The following PDE4D variants were observed in gnomAD, a reference collection of about 807,000 sequenced individuals.
The protein encoded by PDE4D is phosphodiesterase 4D, also known as 3',5'-cyclic-AMP phosphodiesterase 4D.
PDE4D carries 24 observed loss-of-function variants against 87.4 expected under a neutral mutation model. That is an observed-to-expected ratio of 0.27 (90% CI 0.20 to 0.39). The LOEUF is 0.39. Ranked by LOEUF, PDE4D falls within the 10% of genes least tolerant of loss-of-function variation. PDE4D has a pLI of 1.00. For missense variants in PDE4D, 714 were observed against 1,041.0 expected (o/e 0.69, Z 4.32); for synonymous variants, 384 against 383.2 (o/e 1.00, Z -0.02).
chr5:60,075,781 C>G (rs1274186462), intron 2 of PDE4D, among the ~76,000 whole-genome samples: 2 of 151,956 alleles, frequency 1.3e-5, no homozygotes, highest in African/African-American at 4.8e-5. Flanking sequence ...GAGATTCTTT[C>G]CTCAGGTTGG....
At chr5:59,355,893 A>C (rs939825908) in intron 1 of PDE4D, among the ~76,000 whole-genome samples, 1 of 152,158 alleles carries the variant, frequency 6.6e-6, no homozygotes, top group Non-Finnish European at 1.5e-5. Flanking sequence ...GTGTTAATAT[A>C]TATTTCTACA....
chr5:59,581,619 C>A (rs1824166592), intron 1 of PDE4D, among the ~76,000 whole-genome samples: 1 of 152,166 alleles, frequency 6.6e-6, no homozygotes, highest in South Asian at 2.1e-4. Flanking sequence ...AGAAAGGCTG[C>A]TAGGACTAAA....
At chr5:60,440,799 C>G (rs1310170212) in intron 1 of PDE4D, among the ~76,000 whole-genome samples, 1 of 152,010 alleles carries the variant, frequency 6.6e-6, no homozygotes, top group African/African-American at 2.4e-5. Context: ...TACAACAACC[C>G]TATAAGGCAG....
intron 1 of PDE4D, among the ~76,000 whole-genome samples, chr5:59,825,206 T>C (rs1238819859): frequency 1.3e-5 from 2 of 152,136 alleles, no homozygotes; most frequent in African/African-American, 2.4e-5. Context: ...ATGTTAAGCA[T>C]ACAAAAGCAT....
intron 5 of PDE4D, among the ~76,000 whole-genome samples, chr5:59,117,050 C>T (rs1200397096): frequency 1.3e-5 from 2 of 152,166 alleles, no homozygotes; most frequent in Non-Finnish European, 2.9e-5. Flanking sequence ...TACACAGTGG[C>T]TCCATGTGCC....
At chr5:60,260,828 A>C (rs1161095467) in intron 1 of PDE4D, among the ~76,000 whole-genome samples, 5 of 152,142 alleles carry the variant, frequency 3.3e-5, no homozygotes, top group Non-Finnish European at 5.9e-5. Context: ...AGTTTCATTT[A>C]AAAACAGGAT....
chr5:60,241,129 A>G (rs1747060186), intron 1 of PDE4D, among the ~76,000 whole-genome samples: 3 of 152,268 alleles, frequency 2.0e-5, no homozygotes, highest in Admixed American at 1.3e-4. Flanking sequence ...ATTCAAGATA[A>G]TACAAAGAAG....
At chr5:60,350,283 C>G (rs1462497254) in intron 1 of PDE4D, among the ~76,000 whole-genome samples, 1 of 152,208 alleles carries the variant, frequency 6.6e-6, no homozygotes, top group Non-Finnish European at 1.5e-5. Context: ...TGTCTTCCCA[C>G]AGATGACTCC....
At chr5:59,951,019 T>C (rs755995023) in intron 3 of PDE4D, among the ~76,000 whole-genome samples, 2 of 152,162 alleles carry the variant, frequency 1.3e-5, no homozygotes, top group Non-Finnish European at 2.9e-5. Flanking sequence ...TACTACATGC[T>C]AGGCATGATT....
intron 1 of PDE4D, among the ~76,000 whole-genome samples, chr5:59,590,702 T>C (rs989432831): frequency 6.6e-6 from 1 of 152,046 alleles, no homozygotes; most frequent in Non-Finnish European, 1.5e-5. Context: ...TGTTGTTTTG[T>C]TTTGTGTTTT....
At chr5:59,177,561 C>A (rs1038300206) in intron 5 of PDE4D, among the ~76,000 whole-genome samples, 3 of 152,080 alleles carry the variant, frequency 2.0e-5, no homozygotes, top group African/African-American at 4.8e-5. Flanking sequence ...GGAAACTGAG[C>A]AGAGAAAGGG....
intron 5 of PDE4D, among the ~76,000 whole-genome samples, chr5:59,048,249 A>G (rs1270767344): frequency 6.6e-6 from 1 of 152,226 alleles, no homozygotes; most frequent in African/African-American, 2.4e-5. Context: ...AGTTACAATT[A>G]TGTATGCTAT....
intron 1 of PDE4D, among the ~76,000 whole-genome samples, chr5:59,336,043 T>G (rs1422091353): frequency 6.6e-6 from 1 of 152,188 alleles, no homozygotes; most frequent in East Asian, 1.9e-4. Context: ...GCTCAAGAAG[T>G]AACAACAGCA....
At chr5:60,210,523 A>G (rs781145176) in intron 1 of PDE4D, among the ~76,000 whole-genome samples, 95 of 152,172 alleles carry the variant, frequency 6.2e-4, no homozygotes, top group Non-Finnish European at 1.2e-3. Flanking sequence ...GAATTAAATT[A>G]TTCCAGACCA....
chr5:59,140,711 G>T (rs1169076269), intron 5 of PDE4D, among the ~76,000 whole-genome samples: 2 of 152,146 alleles, frequency 1.3e-5, no homozygotes, highest in African/African-American at 4.8e-5. Context: ...CTGTATTCAA[G>T]TAGATACAAG....
chr5:59,226,855 C>CT (rs143154289), intron 1 of PDE4D, among the ~76,000 whole-genome samples: 17,727 of 151,252 alleles, frequency 0.12, 1,500 homozygotes, highest in African/African-American at 0.24. Flanking sequence ...CGGAAAGTGT[C>CT]TTTTTTTTTG....
intron 1 of PDE4D, among the ~76,000 whole-genome samples, chr5:59,617,687 G>C (rs755058759): frequency 3.9e-5 from 6 of 152,226 alleles, no homozygotes; most frequent in Non-Finnish European, 5.9e-5. Flanking sequence ...AGCTACAAGA[G>C]AGAACTGGAA....
At chr5:59,105,227 G>A (rs549189269) in intron 5 of PDE4D, among the ~76,000 whole-genome samples, 6 of 152,156 alleles carry the variant, frequency 3.9e-5, no homozygotes, top group Admixed American at 2.0e-4. Context: ...ATGAGAAACC[G>A]GGGCAGCAAA....
chr5:60,219,061 C>G (rs950144131), intron 1 of PDE4D, among the ~76,000 whole-genome samples: 3 of 152,050 alleles, frequency 2.0e-5, no homozygotes, highest in African/African-American at 4.8e-5. Context: ...TATACAGCAG[C>G]CTTATTATTT....
Sources: gnomAD v4.1 joint callset for allele counts (sites outside exome capture counted in the v4.1 genomes callset) on GRCh38, gnomAD v4.1.1 for gene constraint, MANE v1.5 for transcripts, NCBI Gene and HGNC (gene_info 2026-07-23, HGNC 2026-07-21) for gene names.